The following TOGARAM2 variants were observed in gnomAD, a reference collection of about 807,000 sequenced individuals.
TOGARAM2 encodes TOG array regulator of axonemal microtubules 2.
TOGARAM2 carries 85 observed loss-of-function variants against 93.3 expected under a neutral mutation model. The observed-to-expected ratio is 0.91, with a 90% CI of 0.76 to 1.09. TOGARAM2 has a LOEUF of 1.09. Among genes scored for constraint, TOGARAM2 ranks in the 50% least tolerant of loss-of-function variants. The pLI, the probability that TOGARAM2 is intolerant of heterozygous loss-of-function variation, is 0.00. For synonymous variants in TOGARAM2, 593 were observed against 552.8 expected (o/e 1.07, Z -1.02); for missense variants, 1,277 against 1,334.5 (o/e 0.96, Z 0.67).
intron 1 of TOGARAM2, among the ~76,000 whole-genome samples, chr2:28,965,446 A>G (rs188714705): frequency 1.1e-4 from 17 of 152,094 alleles, no homozygotes; most frequent in African/African-American, 3.9e-4. Context: ...TGTTTTAGTG[A>G]TGGCTCTGGG....
At chr2:29,002,425 C>T (rs777101781) in intron 4 of TOGARAM2, 111 bp from the exon 5 acceptor site, 65 of 916,728 alleles carry the variant, frequency 7.1e-5, no homozygotes, top group Non-Finnish European at 9.0e-5. Flanking sequence ...TCTCTCTCCT[C>T]GCCATCCCAG....
At chr2:29,032,746 T>G (rs1304025516) in intron 14 of TOGARAM2, 188 bp from the exon 15 acceptor site, 5 of 529,724 alleles carry the variant, frequency 9.4e-6, no homozygotes, top group Non-Finnish European at 1.6e-5. Flanking sequence ...AGGGATTTTC[T>G]CTTGGTAATG....
intron 4 of TOGARAM2, among the ~76,000 whole-genome samples, chr2:29,000,748 G>A (rs904741454): frequency 6.6e-6 from 1 of 152,124 alleles, no homozygotes; most frequent in Non-Finnish European, 1.5e-5. Context: ...GAGCCGTGGG[G>A]TGTCTCCAGC....
intron 14 of TOGARAM2, chr2:29,032,703 A>G: frequency 2.1e-6 from 1 of 466,214 alleles, no homozygotes; most frequent in East Asian, 3.7e-5. Flanking sequence ...TGCCACAGAA[A>G]AAAGACTATA....
At chr2:29,011,098 T>G (rs1335001997) in intron 6 of TOGARAM2, among the ~76,000 whole-genome samples, 1 of 152,126 alleles carries the variant, frequency 6.6e-6, no homozygotes, top group South Asian at 2.1e-4. Context: ...AGTTTACCCT[T>G]GTTTACTGCA....
intron 1 of TOGARAM2, among the ~76,000 whole-genome samples, chr2:28,959,621 C>T (rs547784619): frequency 1.3e-5 from 2 of 151,868 alleles, no homozygotes; most frequent in South Asian, 2.1e-4. Context: ...GGCGTAGTGG[C>T]GGGCGCCTGT....
intron 6 of TOGARAM2, among the ~76,000 whole-genome samples, chr2:29,004,630 G>A (rs1357105053): frequency 1.3e-4 from 6 of 46,798 alleles, no homozygotes; most frequent in Admixed American, 4.2e-4. Flanking sequence ...GCAGGTATGT[G>A]TGAGTGTATG....
chr2:29,022,983 A>G, intron 11 of TOGARAM2, 103 bp from the exon 12 acceptor site: 1 of 916,372 alleles, frequency 1.1e-6, no homozygotes, highest in Non-Finnish European at 1.7e-6. Context: ...GCTGCGGGTG[A>G]CGGTGGACCG....
In TOGARAM2 at chr2:29,015,566, G is replaced by A. The variant is rs80017638; in HGVS notation, c.1044+1005G>A. The stretch of plus-strand genomic sequence containing the variant: ...ACAAAACCAAGAGAAAATGATTGCC[G>A]TGTCTCTCTTCTCTCCTTTGTCCAC... On this transcript the variant is annotated intron_variant, in intron 8 of 19. Coordinates refer to ENST00000379558, the MANE Select transcript of TOGARAM2 (RefSeq NM_199280.4). Among the ~76,000 whole-genome samples the A allele has an allele frequency of 1.3e-3, 198 of 152,288 alleles. 2 individuals are homozygous for A. Among genetic ancestry groups the A allele is most frequent in the African/African-American group, 4.6e-3 (191 of 41,562 alleles).
upstream of TOGARAM2, among the ~76,000 whole-genome samples, chr2:28,977,429 A>T (rs1481181473): frequency 1.3e-5 from 2 of 152,076 alleles, no homozygotes; most frequent in African/African-American, 2.4e-5. Context: ...GTCCTGGTTT[A>T]TAAGGGGGCA....
At chr2:28,976,401 C>T (rs1672036798), upstream of TOGARAM2, among the ~76,000 whole-genome samples, 1 of 151,950 alleles carries the variant, frequency 6.6e-6, no homozygotes, top group Admixed American at 6.6e-5. Flanking sequence ...CAACAAAAAC[C>T]CATCAAATTC....
chr2:29,030,231 G>A (rs1428172776), intron 14 of TOGARAM2, among the ~76,000 whole-genome samples: 2 of 152,120 alleles, frequency 1.3e-5, no homozygotes, highest in African/African-American at 2.4e-5. Flanking sequence ...AGCTGAAATA[G>A]GGCCATTACA....
chr2:29,014,685 A>G, intron 8 of TOGARAM2, 124 bp downstream of exon 8: 5 of 1,285,498 alleles, frequency 3.9e-6, no homozygotes, highest in Non-Finnish European at 5.2e-6. Flanking sequence ...GGAGAGCCCG[A>G]GGCAGCCACC....
intron 4 of TOGARAM2, 142 bp downstream of exon 4, chr2:28,999,610 C>G: frequency 1.0e-6 from 1 of 985,566 alleles, no homozygotes; most frequent in Non-Finnish European, 1.5e-6. Context: ...TACCAGGTAC[C>G]TTCTCTATGG....
intron 1 of TOGARAM2, among the ~76,000 whole-genome samples, chr2:28,985,639 TTG>T (rs1672430982): frequency 6.6e-6 from 1 of 152,192 alleles, no homozygotes. Flanking sequence ...TTTTGTAAAT[TTG>T]TGTATAAGTT....
chr2:29,039,452 G>T (rs1259461324), intron 18 of TOGARAM2, among the ~76,000 whole-genome samples: 2 of 152,164 alleles, frequency 1.3e-5, no homozygotes, highest in African/African-American at 2.4e-5. Context: ...AGTCCAGATG[G>T]CACAGCCAAG....
chr2:28,969,838 G>A (rs529285481), intron 1 of TOGARAM2, among the ~76,000 whole-genome samples: 117 of 141,412 alleles, frequency 8.3e-4, no homozygotes, highest in Admixed American at 6.4e-4. Flanking sequence ...TTGAGACGGA[G>A]TTTCGCTCTT....
intron 2 of TOGARAM2, among the ~76,000 whole-genome samples, chr2:28,997,608 A>G (rs1673057624): frequency 6.6e-6 from 1 of 152,208 alleles, no homozygotes; most frequent in Non-Finnish European, 1.5e-5. Context: ...AGAAGAGGGA[A>G]GATCAGTGTA....
In TOGARAM2 at chr2:28,993,636, GA is replaced by G. The variant is rs1165605254; in HGVS notation, c.-110-1087del. On this transcript the variant is annotated intron_variant, in intron 1 of 19. Coordinates refer to ENST00000379558, the MANE Select transcript of TOGARAM2 (RefSeq NM_199280.4). Reference sequence around the variant, plus strand: ...GTGAGGAAAATTCTCCTCAGACAGGGAACTCATGTCTTGAGGTTCTAAGCAG... The same window carrying G: ...GTGAGGAAAATTCTCCTCAGACAGGGACTCATGTCTTGAGGTTCTAAGCAG... 3.3e-5 allele frequency among the ~76,000 whole-genome samples: 5 copies of G among 152,214 alleles called. No individual in the cohort carries two copies. The East Asian group carries it at 9.6e-4, about 29-fold the overall frequency.
Sources: gnomAD v4.1 joint callset for allele counts (sites outside exome capture counted in the v4.1 genomes callset) on GRCh38, gnomAD v4.1.1 for gene constraint, MANE v1.5 for transcripts, NCBI Gene and HGNC (gene_info 2026-07-23, HGNC 2026-07-21) for gene names.